TMEM117: variants seen among roughly 807,000 people sequenced by gnomAD.
TMEM117 encodes transmembrane protein 117.
TMEM117 carries 27 observed loss-of-function variants against 52.4 expected under a neutral mutation model. The observed-to-expected ratio is 0.51, with a 90% CI of 0.38 to 0.71. The LOEUF (loss-of-function observed/expected upper bound fraction) is 0.71. TMEM117 is among the 30% of genes least tolerant of loss of function. TMEM117 has a pLI of 0.00. For missense variants in TMEM117, 556 were observed against 630.5 expected (o/e 0.88, Z 1.26); for synonymous variants, 215 against 206.3 (o/e 1.04, Z -0.36).
At chr12:43,801,847 C>G in the TMEM117 span, among the ~76,000 whole-genome samples, 1 of 151,960 alleles carries the variant, frequency 6.6e-6, no homozygotes, top group Non-Finnish European at 1.5e-5. Context: ...CTGGGCAACA[C>G]AGTGAAACCC....
chr12:43,970,367 C>G (rs1945561778), intron 3 of TMEM117, among the ~76,000 whole-genome samples: 1 of 152,016 alleles, frequency 6.6e-6, no homozygotes, highest in Non-Finnish European at 1.5e-5. Flanking sequence ...CGGCTCACTG[C>G]AAGCTCCGCC....
intron 3 of TMEM117, among the ~76,000 whole-genome samples, chr12:44,116,949 T>C (rs145280939): frequency 3.9e-5 from 6 of 152,342 alleles, no homozygotes; most frequent in African/African-American, 1.2e-4. Flanking sequence ...TGAATCTCCA[T>C]GTTGTTGTCA....
At chr12:43,902,595 G>C (rs1944321726) in intron 2 of TMEM117, among the ~76,000 whole-genome samples, 1 of 152,138 alleles carries the variant, frequency 6.6e-6, no homozygotes, top group Non-Finnish European at 1.5e-5. Flanking sequence ...GGAGACAAGG[G>C]ATAGGGGTAG....
intron 4 of TMEM117, among the ~76,000 whole-genome samples, chr12:44,184,082 C>T (rs1177969968): frequency 6.6e-6 from 1 of 152,070 alleles, no homozygotes; most frequent in Admixed American, 6.6e-5. Context: ...GCAGTGGCTT[C>T]CACCTGTAAT....
At chr12:44,397,597 A>T in the TMEM117 span, among the ~76,000 whole-genome samples, 1 of 152,162 alleles carries the variant, frequency 6.6e-6, no homozygotes, top group Non-Finnish European at 1.5e-5. Context: ...GTATCTCAGA[A>T]CTCCCTAGAA....
At chr12:44,274,599 C>T (rs994699679) in intron 5 of TMEM117, among the ~76,000 whole-genome samples, 2 of 151,980 alleles carry the variant, frequency 1.3e-5, no homozygotes, top group African/African-American at 4.8e-5. Flanking sequence ...CTGGCATAAA[C>T]ACAGACACAT....
intron 3 of TMEM117, among the ~76,000 whole-genome samples, chr12:44,070,962 C>T (rs1947292858): frequency 6.6e-6 from 1 of 152,156 alleles, no homozygotes; most frequent in Non-Finnish European, 1.5e-5. Flanking sequence ...GCAGATTCAT[C>T]CTTCTGGCCT....
At chr12:43,977,118 G>A (rs1015755195) in intron 3 of TMEM117, among the ~76,000 whole-genome samples, 4 of 152,158 alleles carry the variant, frequency 2.6e-5, no homozygotes, top group African/African-American at 4.8e-5. Context: ...CAGGCAGAGC[G>A]AGAGCATAAA....
intron 2 of TMEM117, among the ~76,000 whole-genome samples, chr12:43,880,933 G>T (rs952969945): frequency 1.3e-5 from 2 of 152,204 alleles, no homozygotes; most frequent in African/African-American, 4.8e-5. Context: ...AGAGAATCTG[G>T]ATGATAAATA....
At chr12:43,869,114 T>C (rs1393525783) in intron 2 of TMEM117, among the ~76,000 whole-genome samples, 1 of 152,088 alleles carries the variant, frequency 6.6e-6, no homozygotes, top group Non-Finnish European at 1.5e-5. Context: ...AAAAAATTCT[T>C]GATAGTCATA....
chr12:44,008,410 A>AT (rs903189727), intron 3 of TMEM117, among the ~76,000 whole-genome samples: 45 of 152,162 alleles, frequency 3.0e-4, no homozygotes, highest in African/African-American at 7.7e-4. Flanking sequence ...CTATACTTTC[A>AT]TTTTTTTTGT....
chr12:44,071,269 T>G lies in TMEM117; in HGVS notation c.411-72256T>G, dbSNP rs527677019. On this transcript the variant is annotated intron_variant, in intron 3 of 7. Coordinates refer to ENST00000266534, the MANE Select transcript of TMEM117 (RefSeq NM_032256.3). ...CTGAGTGGATGCAGCTGGGAGACAC[T>G]GCTCTTCAGATCCATCTTATGTCCA... 7.9e-5 allele frequency among the ~76,000 whole-genome samples: 12 copies of G among 152,266 alleles called. No homozygotes were observed. The East Asian group carries it at 2.1e-3, about 27-fold the overall frequency.
chr12:44,253,991 T>TC (rs1471484133), intron 5 of TMEM117, among the ~76,000 whole-genome samples: 1 of 138,048 alleles, frequency 7.2e-6, no homozygotes, highest in Non-Finnish European at 1.5e-5. Context: ...TCATTTTTTT[T>TC]CCCCTTCACC....
At chr12:44,397,147 A>G in the TMEM117 span, among the ~76,000 whole-genome samples, 1 of 152,182 alleles carries the variant, frequency 6.6e-6, no homozygotes, top group East Asian at 1.9e-4. Flanking sequence ...AGGACAAAGC[A>G]TGAGAGAGTT....
In TMEM117 at chr12:43,891,367, A is replaced by ATTT. The variant is rs772754829; in HGVS notation, c.277+46460_277+46462dup. 2.0e-3 allele frequency among the ~76,000 whole-genome samples: 113 copies of ATTT among 57,784 alleles called. 4 individuals carry two copies. Among genetic ancestry groups the ATTT allele is most frequent in the African/African-American group, 6.3e-3 (106 of 16,924 alleles). 37.9% of individuals were successfully genotyped at this position (57,784 alleles called of 152,430 possible). A position where few individuals can be genotyped will look rare whatever the true frequency, so the allele number is the denominator to read the frequency against. ...ATTTCTTTTGGGAAATACCTCTTGA[A>ATTT]TTTTTTTTTTTTTTTTTTTTTTTGA... On this transcript the variant is annotated intron_variant, in intron 2 of 7. Transcript: ENST00000266534.
At chr12:43,892,988 A>G (rs990067734) in intron 2 of TMEM117, among the ~76,000 whole-genome samples, 2 of 152,224 alleles carry the variant, frequency 1.3e-5, no homozygotes, top group Non-Finnish European at 2.9e-5. Flanking sequence ...TGAAAAGCCC[A>G]GAGGTGAAAT....
intron 6 of TMEM117, among the ~76,000 whole-genome samples, chr12:44,322,847 A>T (rs752939163): frequency 1.3e-5 from 2 of 152,018 alleles, no homozygotes; most frequent in Non-Finnish European, 2.9e-5. Context: ...AGATACTCAT[A>T]CCCTACTCCC....
At chr12:43,848,911 A>T (rs1355084290) in intron 2 of TMEM117, among the ~76,000 whole-genome samples, 1 of 152,202 alleles carries the variant, frequency 6.6e-6, no homozygotes, top group Non-Finnish European at 1.5e-5. Flanking sequence ...CAGGGGCCTA[A>T]AGATTTGGAT....
At chr12:43,806,335 C>T in the TMEM117 span, 1 of 1,284,778 alleles carries the variant, frequency 7.8e-7, no homozygotes, top group Non-Finnish European at 9.8e-7. Flanking sequence ...CTCCGCCGGC[C>T]CCGGCGCGTC....
Sources: allele counts gnomAD v4.1 joint callset (sites outside exome capture counted in the v4.1 genomes callset), GRCh38; gene constraint gnomAD v4.1.1; transcripts MANE v1.5; gene names NCBI Gene and HGNC (gene_info 2026-07-23, HGNC 2026-07-21).